ACYP1: variants seen among roughly 807,000 people sequenced by gnomAD.
ACYP1 encodes acylphosphatase 1.
A neutral mutation model predicts 10.4 loss-of-function variants in ACYP1; 8 were observed. The ratio of observed to expected loss-of-function variants is 0.77; its 90% CI spans 0.45 to 1.38. The LOEUF is 1.38. Ranked by LOEUF, ACYP1 falls within the 40% of genes most tolerant of loss-of-function variation. The pLI is 0.00. For synonymous variants in ACYP1, 38 were observed against 40.8 expected (o/e 0.93, Z 0.26); for missense variants, 93 against 117.3 (o/e 0.79, Z 0.96).
At chr14:75,060,187 T>C (rs1312975744) in intron 2 of ACYP1, 1 of 642,814 alleles carries the variant, frequency 1.6e-6, no homozygotes, top group Admixed American at 2.7e-5. Context: ...ATCCTTTTTA[T>C]TTTTTTAATG....
At chr14:75,068,533 A>G (rs887377633), upstream of ACYP1, among the ~76,000 whole-genome samples, 1 of 151,788 alleles carries the variant, frequency 6.6e-6, no homozygotes, top group African/African-American at 2.4e-5. Context: ...CAGAGGAGAG[A>G]GGGAGAGGAG....
chr14:75,069,276 G>C, exon 1 of ACYP1: 2 of 1,451,694 alleles, frequency 1.4e-6, no homozygotes, highest in Non-Finnish European at 1.8e-6. Flanking sequence ...CCCGCCAGGC[G>C]GGCGGACGCC....
At chr14:75,067,493 T>A, upstream of ACYP1, among the ~76,000 whole-genome samples, 1 of 152,098 alleles carries the variant, frequency 6.6e-6, no homozygotes, top group Non-Finnish European at 1.5e-5. Context: ...CAGGCCACAA[T>A]GAACTGGACA....
upstream of ACYP1, among the ~76,000 whole-genome samples, chr14:75,068,503 GAGAC>G (rs1202739603): frequency 5.3e-5 from 8 of 151,758 alleles, no homozygotes; most frequent in East Asian, 3.9e-4. Context: ...AGGAGAGAGG[GAGAC>G]AGACAGAGAC....
intron 2 of ACYP1, among the ~76,000 whole-genome samples, chr14:75,057,263 AAGAT>A (rs1270582453): frequency 2.0e-5 from 3 of 151,614 alleles, no homozygotes; most frequent in African/African-American, 4.9e-5. Flanking sequence ...TAGCATCAAA[AAGAT>A]AGAGTGTCTA....
chr14:75,067,492 A>G (rs1347053245), upstream of ACYP1, among the ~76,000 whole-genome samples: 1 of 152,214 alleles, frequency 6.6e-6, no homozygotes, highest in African/African-American at 2.4e-5. Context: ...ACAGGCCACA[A>G]TGAACTGGAC....
rs564926860 is a variant in ACYP1 at position 75,069,341 on chromosome 14, A to C, written c.-50T>G. The C allele has an allele frequency of 1.5e-4, 196 of 1,336,462 alleles. 1 individual carries two copies. In the African/African-American group the frequency reaches 2.4e-3, roughly 17 times the overall value. 82.8% of individuals were successfully genotyped at this position (1,336,462 alleles called of 1,614,324 possible). On this transcript the variant is annotated 5_prime_UTR_variant, in exon 1 of 3. Coordinates refer to the ACYP1 transcript ENST00000555463. ...ACAGCCAGGGCCTCCGCCCTTTGCC[A>C]GACAAGGGCACACCCCAAGGTCTGG...
chr14:75,069,131 T>C (rs1893226697), intron 1 of ACYP1: 5 of 1,343,386 alleles, frequency 3.7e-6, no homozygotes, highest in Admixed American at 2.6e-5. Context: ...CACGGAAAGA[T>C]ACTGCGTAGC....
rs955743901 is a variant in ACYP1 at position 75,063,659 on chromosome 14, A to G, written c.-8-98T>C. 78 of 930,632 alleles carry G rather than the reference A, an allele frequency of 8.4e-5. No homozygotes were observed. The African/African-American group carries it at 1.2e-3, about 14-fold the overall frequency. 57.6% of individuals were successfully genotyped at this position (930,632 alleles called of 1,614,324 possible). A position where few individuals can be genotyped will look rare whatever the true frequency, so the allele number is the denominator to read the frequency against. On this transcript the variant is annotated intron_variant, in intron 1 of 2. Transcript: ENST00000238618. ...CCACACCCACCCCTGTCCATCCTTA[A>G]CCATTGCGACCTCTCCCCGACTTCA...
intron 2 of ACYP1, among the ~76,000 whole-genome samples, chr14:75,055,982 G>C (rs2139646757): frequency 6.6e-6 from 1 of 151,602 alleles, no homozygotes; most frequent in African/African-American, 2.4e-5. Context: ...GGAATTCTAT[G>C]AACAATTATA....
chr14:75,054,003 C>T (rs1892813943), intron 2 of ACYP1, among the ~76,000 whole-genome samples: 1 of 152,190 alleles, frequency 6.6e-6, no homozygotes, highest in South Asian at 2.1e-4. Context: ...CTGTATCTTG[C>T]TCATTTTCCC....
At chr14:75,057,125 C>T (rs762220149) in intron 2 of ACYP1, among the ~76,000 whole-genome samples, 1 of 151,516 alleles carries the variant, frequency 6.6e-6, no homozygotes, top group Non-Finnish European at 1.5e-5. Context: ...TACACAGGCA[C>T]ACACTAGAGC....
chr14:75,054,190 T>C (rs1170460246), intron 2 of ACYP1, among the ~76,000 whole-genome samples: 1 of 152,234 alleles, frequency 6.6e-6, no homozygotes, highest in Non-Finnish European at 1.5e-5. Flanking sequence ...CTCATCCCGT[T>C]GTTCTTACTG....
At chr14:75,054,322 A>T (rs1370666499) in intron 2 of ACYP1, among the ~76,000 whole-genome samples, 6 of 146,298 alleles carry the variant, frequency 4.1e-5, no homozygotes, top group African/African-American at 1.3e-4. Context: ...CTACATAACT[A>T]TCAGGTTTTC....
chr14:75,063,704 G>C (rs1352016580), intron 1 of ACYP1, 143 bp from the exon 2 acceptor site: 1 of 727,656 alleles, frequency 1.4e-6, no homozygotes, highest in African/African-American at 1.8e-5. Flanking sequence ...AAATGGAAAC[G>C]TGAGTGGATG....
chr14:75,066,051 G>T (rs1317281131), upstream of ACYP1, among the ~76,000 whole-genome samples: 1 of 152,160 alleles, frequency 6.6e-6, no homozygotes, highest in Non-Finnish European at 1.5e-5. Flanking sequence ...TAATCCTCAG[G>T]CCTCACCCCT....
intron 2 of ACYP1, among the ~76,000 whole-genome samples, chr14:75,057,800 A>G (rs1892911967): frequency 6.7e-6 from 1 of 149,780 alleles, no homozygotes; most frequent in African/African-American, 2.5e-5. Flanking sequence ...AACGCCGTCT[A>G]TTAAAAATAC....
At chr14:75,064,152 G>T (rs1482252829), upstream of ACYP1, 7 of 512,914 alleles carry the variant, frequency 1.4e-5, no homozygotes, top group Non-Finnish European at 1.8e-5. Context: ...ATTTCAGGAC[G>T]CGGTTGTCCG....
chr14:75,066,905 C>G (rs145996773), upstream of ACYP1, among the ~76,000 whole-genome samples: 4 of 152,084 alleles, frequency 2.6e-5, no homozygotes, highest in Non-Finnish European at 5.9e-5. Context: ...AAGGAAGAGG[C>G]AACAAAGAGG....
Sources: gnomAD v4.1 joint callset for allele counts (sites outside exome capture counted in the v4.1 genomes callset) on GRCh38, gnomAD v4.1.1 for gene constraint, MANE v1.5 for transcripts, NCBI Gene and HGNC (gene_info 2026-07-23, HGNC 2026-07-21) for gene names.